The following WWC1 variants were observed in gnomAD, a reference collection of about 807,000 sequenced individuals.
WWC1 encodes protein KIBRA.
A neutral mutation model predicts 138.4 loss-of-function variants in WWC1; 55 were observed. The observed-to-expected ratio is 0.40, with a 90% CI of 0.32 to 0.50. The LOEUF is 0.50. WWC1 is among the 20% of genes least tolerant of loss of function. The pLI is 0.72. For missense variants in WWC1, 1,226 were observed against 1,420.4 expected (o/e 0.86, Z 2.20); for synonymous variants, 524 against 564.9 (o/e 0.93, Z 1.03).
chr5:168,375,447 GA>G (rs1777092155), intron 2 of WWC1, among the ~76,000 whole-genome samples: 2 of 152,226 alleles, frequency 1.3e-5, no homozygotes, highest in African/African-American at 4.8e-5. Context: ...TGGGTGACCT[GA>G]CTTTGGAGGG....
intron 3 of WWC1, among the ~76,000 whole-genome samples, chr5:168,392,356 G>A (rs1008170899): frequency 1.8e-4 from 27 of 152,122 alleles, no homozygotes; most frequent in African/African-American, 6.3e-4. Flanking sequence ...GAAAGACACT[G>A]ACATTGAGGA....
chr5:168,296,905 A>G (rs1769586526), intron 1 of WWC1, among the ~76,000 whole-genome samples: 1 of 152,194 alleles, frequency 6.6e-6, no homozygotes, highest in South Asian at 2.1e-4. Context: ...GGCCTTGGGA[A>G]ATGGAGCCAA....
intron 2 of WWC1, 120 bp from the exon 3 acceptor site, chr5:168,385,091 A>G: frequency 1.1e-6 from 1 of 952,338 alleles, no homozygotes; most frequent in South Asian, 1.7e-5. Context: ...TGCCCCACTT[A>G]CATTTATTGT....
rs563177697 is a variant in WWC1 at position 168,331,454 on chromosome 5, C to G, written c.119+39183C>G. On this transcript the variant is annotated intron_variant, in intron 1 of 22. Transcript: ENST00000265293. ...CACCCTTCCCACTTCACTGGGTTAC[C>G]TGCCTGGGTCATGCTGGAATTTGAG... Among the ~76,000 whole-genome samples the G allele has an allele frequency of 2.6e-5, 4 of 152,304 alleles. No individual in the cohort carries two copies. The South Asian group carries it at 8.3e-4, about 32-fold the overall frequency.
intron 1 of WWC1, among the ~76,000 whole-genome samples, chr5:168,366,751 C>T (rs930792097): frequency 6.6e-6 from 1 of 151,728 alleles, no homozygotes; most frequent in African/African-American, 2.4e-5. Flanking sequence ...CCATCTCCAT[C>T]CTCACACCCA....
intron 11 of WWC1, among the ~76,000 whole-genome samples, chr5:168,424,438 C>G (rs1309247678): frequency 6.6e-6 from 1 of 152,184 alleles, no homozygotes; most frequent in Non-Finnish European, 1.5e-5. Context: ...GGTCCCTGTT[C>G]TCATGAAGCT....
chr5:168,299,925 G>A lies in WWC1; in HGVS notation c.119+7654G>A, dbSNP rs958229571. Among the ~76,000 whole-genome samples, 32 of 152,282 alleles carry A rather than the reference G, an allele frequency of 2.1e-4. 1 individual carries two copies. Among genetic ancestry groups the A allele is most frequent in the Middle Eastern group, 3.4e-3 (1 of 294 alleles). ...GCCACATGTGGTGCTAGGTGATGAG[G>A]CTCTGCAGCCTCCAGTTCAGCAAGG... On this transcript the variant is annotated intron_variant, in intron 1 of 22. Transcript: ENST00000265293.
intron 3 of WWC1, among the ~76,000 whole-genome samples, chr5:168,396,666 TGTCGCCA>T (rs1460979602): frequency 6.6e-6 from 1 of 152,228 alleles, no homozygotes; most frequent in Non-Finnish European, 1.5e-5. Context: ...GCTCAGAGCT[TGTCGCCA>T]GTTTGTTTCC....
rs563613469 is a variant in WWC1, at chr5:168,358,348, A to G, written c.120-13076A>G. Among the ~76,000 whole-genome samples the G allele has an allele frequency of 3.3e-5, 5 of 152,370 alleles. No individual in the cohort carries two copies. The South Asian group carries it at 6.2e-4, about 19-fold the overall frequency. Reference sequence around the variant, plus strand: ...GGGCAAGGAGAGCTCGGTGAGTGTCAGGGAACCTGAGTGTCCAGAAGGATC... The same window carrying G: ...GGGCAAGGAGAGCTCGGTGAGTGTCGGGGAACCTGAGTGTCCAGAAGGATC... On this transcript the variant is annotated intron_variant, in intron 1 of 22. Transcript: ENST00000265293.
In WWC1 at chr5:168,341,702, TA is replaced by T. The variant is rs3832365; in HGVS notation, c.120-29708del. ...GCGGTGCAGGTGTCATTTGCTGATTTAAAAAAAAAAAAAAGATTTTGGAAAA... is the reference window on the plus strand; with the variant it reads ...GCGGTGCAGGTGTCATTTGCTGATTTAAAAAAAAAAAAAGATTTTGGAAAA... On this transcript the variant is annotated intron_variant, in intron 1 of 22. Transcript: ENST00000265293. Among the ~76,000 whole-genome samples the T allele has an allele frequency of 4.5e-3, 660 of 145,920 alleles. 7 individuals are homozygous for T. Among genetic ancestry groups the T allele is most frequent in the Middle Eastern group, 0.018 (5 of 276 alleles).
At chr5:168,339,985 TTC>T (rs1206395805) in intron 1 of WWC1, among the ~76,000 whole-genome samples, 5 of 96,386 alleles carry the variant, frequency 5.2e-5, no homozygotes, top group East Asian at 2.4e-4. Flanking sequence ...CTTTCTCTCT[TTC>T]TCTCTCTCTC....
At chr5:168,303,218 G>A (rs1469462304) in intron 1 of WWC1, among the ~76,000 whole-genome samples, 1 of 152,138 alleles carries the variant, frequency 6.6e-6, no homozygotes, top group African/African-American at 2.4e-5. Flanking sequence ...GTGATTATGA[G>A]GACCATATAT....
chr5:168,424,625 G>T (rs1046050139), intron 11 of WWC1, among the ~76,000 whole-genome samples: 2 of 152,198 alleles, frequency 1.3e-5, no homozygotes, highest in African/African-American at 2.4e-5. Flanking sequence ...AGCCAGCCTT[G>T]GGAAAAGCAA....
chr5:168,336,092 C>T (rs546742266), intron 1 of WWC1, among the ~76,000 whole-genome samples: 1 of 152,332 alleles, frequency 6.6e-6, no homozygotes, highest in South Asian at 2.1e-4. Flanking sequence ...CCCTGGTATG[C>T]AAACCCCTCC....
intron 8 of WWC1, 194 bp downstream of exon 8, chr5:168,410,189 T>C: frequency 1.7e-6 from 1 of 603,350 alleles, no homozygotes; most frequent in Non-Finnish European, 2.9e-6. Context: ...CCAGGACACT[T>C]CACAAGACAG....
chr5:168,375,460 A>G (rs1777094393), intron 2 of WWC1, among the ~76,000 whole-genome samples: 1 of 152,238 alleles, frequency 6.6e-6, no homozygotes, highest in African/African-American at 2.4e-5. Flanking sequence ...TTTGGAGGGC[A>G]GCTTTGGACG....
At chr5:168,356,403 C>G (rs1264118086) in intron 1 of WWC1, among the ~76,000 whole-genome samples, 1 of 152,240 alleles carries the variant, frequency 6.6e-6, no homozygotes, top group Non-Finnish European at 1.5e-5. Flanking sequence ...TTGCCCGCTC[C>G]CCTGGCCTCC....
At chr5:168,357,616 G>A (rs138801680) in intron 1 of WWC1, among the ~76,000 whole-genome samples, 69 of 152,072 alleles carry the variant, frequency 4.5e-4, no homozygotes, top group African/African-American at 1.3e-3. Flanking sequence ...AGTCATCCTC[G>A]CAGTATGAAT....
chr5:168,401,220 T>C (rs1779285216), intron 5 of WWC1, among the ~76,000 whole-genome samples: 1 of 152,228 alleles, frequency 6.6e-6, no homozygotes, highest in South Asian at 2.1e-4. Context: ...ATTCATTGAA[T>C]TGTGTTCAGT....
Sources: gnomAD v4.1 joint callset for allele counts (sites outside exome capture counted in the v4.1 genomes callset) on GRCh38, gnomAD v4.1.1 for gene constraint, MANE v1.5 for transcripts, NCBI Gene and HGNC (gene_info 2026-07-23, HGNC 2026-07-21) for gene names.